Variants in GRK5 observed in about 807,000 individuals in gnomAD.
The protein encoded by GRK5 is G protein-coupled receptor kinase 5.
Under a neutral mutation model 78.4 loss-of-function variants are expected in GRK5, and 40 were observed. That is an observed-to-expected ratio of 0.51 (90% CI 0.40 to 0.66). GRK5 has a LOEUF of 0.66. Ranked by LOEUF, GRK5 falls within the 30% of genes least tolerant of loss-of-function variation. GRK5 has a pLI of 0.00. For synonymous variants in GRK5, 289 were observed against 296.8 expected (o/e 0.97, Z 0.27); for missense variants, 598 against 759.9 (o/e 0.79, Z 2.50).
At chr10:119,259,051 C>A (rs1336205665) in intron 1 of GRK5, among the ~76,000 whole-genome samples, 1 of 147,470 alleles carries the variant, frequency 6.8e-6, no homozygotes, top group Non-Finnish European at 1.5e-5. Context: ...CCATGACACT[C>A]CCTCTTTCTT....
chr10:119,375,821 T>A (rs943844538), intron 2 of GRK5, among the ~76,000 whole-genome samples: 1 of 152,164 alleles, frequency 6.6e-6, no homozygotes, highest in African/African-American at 2.4e-5. Context: ...GCCAGTTCAG[T>A]CCAGCTGCTC....
intron 2 of GRK5, among the ~76,000 whole-genome samples, chr10:119,377,145 T>C (rs1417281549): frequency 1.3e-5 from 2 of 152,190 alleles, no homozygotes; most frequent in South Asian, 2.1e-4. Context: ...GACCACACTT[T>C]GGAGAAAGAT....
intron 2 of GRK5, among the ~76,000 whole-genome samples, chr10:119,351,274 G>GTTAC (rs1851181371): frequency 6.6e-6 from 1 of 152,078 alleles, no homozygotes; most frequent in Admixed American, 6.5e-5. Context: ...CTGTAATGGT[G>GTTAC]GTAACTCTTT....
chr10:119,388,002 G>T (rs996967914), intron 3 of GRK5, among the ~76,000 whole-genome samples: 2 of 151,988 alleles, frequency 1.3e-5, no homozygotes, highest in South Asian at 2.1e-4. Flanking sequence ...CCAGGCTGGA[G>T]TGCGGTGGTA....
At chr10:119,447,247 C>G (rs1242460141) in intron 12 of GRK5, among the ~76,000 whole-genome samples, 1 of 152,168 alleles carries the variant, frequency 6.6e-6, no homozygotes, top group Non-Finnish European at 1.5e-5. Context: ...CTTCCTGCCT[C>G]GTGGTTCTGA....
Position 119,424,714 on chromosome 10 carries a change from CTGTT to C in GRK5, c.441-275_441-272del, listed in dbSNP as rs1193021049. ...TCATTTATTTCATGTTTGCTATTCA[CTGTT>C]TGTGTCCCACATACAATGCCAACCC... On this transcript the variant is annotated intron_variant, in intron 5 of 15. Coordinates refer to ENST00000392870, the MANE Select transcript of GRK5 (RefSeq NM_005308.3). 2.0e-5 allele frequency among the ~76,000 whole-genome samples: 3 copies of C among 152,232 alleles called. No homozygotes were observed. In the East Asian group the frequency reaches 5.8e-4, roughly 29 times the overall value.
chr10:119,230,120 G>A (rs1191998174), intron 1 of GRK5, among the ~76,000 whole-genome samples: 1 of 152,162 alleles, frequency 6.6e-6, no homozygotes, highest in Non-Finnish European at 1.5e-5. Flanking sequence ...GAGCAGGAAG[G>A]CTGCAGAAGA....
chr10:119,284,761 G>A (rs1437184096), intron 1 of GRK5, among the ~76,000 whole-genome samples: 1 of 152,254 alleles, frequency 6.6e-6, no homozygotes, highest in African/African-American at 2.4e-5. Flanking sequence ...GCCTGAGCCT[G>A]TGTACTGGGC....
chr10:119,301,698 C>A (rs1850184059), intron 1 of GRK5, among the ~76,000 whole-genome samples: 1 of 152,190 alleles, frequency 6.6e-6, no homozygotes, highest in South Asian at 2.1e-4. Context: ...TCACTTTGAC[C>A]ACGCCTCCTT....
intron 4 of GRK5, among the ~76,000 whole-genome samples, chr10:119,401,281 C>T (rs1005760449): frequency 5.3e-5 from 8 of 152,190 alleles, no homozygotes; most frequent in Non-Finnish European, 7.3e-5. Context: ...CCACGGAGGA[C>T]GCCCTACAAA....
At chr10:119,237,121 C>T (rs994216136) in intron 1 of GRK5, among the ~76,000 whole-genome samples, 3 of 148,260 alleles carry the variant, frequency 2.0e-5, no homozygotes, top group South Asian at 2.2e-4. Context: ...GGAATGCAGC[C>T]GCGCGATCTT....
chr10:119,301,811 C>T (rs1411059225), intron 1 of GRK5, among the ~76,000 whole-genome samples: 1 of 152,196 alleles, frequency 6.6e-6, no homozygotes, highest in Non-Finnish European at 1.5e-5. Context: ...TTTTCCTCTG[C>T]CAGGCCAATG....
At chr10:119,324,993 A>G (rs543756522) in intron 1 of GRK5, among the ~76,000 whole-genome samples, 1 of 152,144 alleles carries the variant, frequency 6.6e-6, no homozygotes, top group Non-Finnish European at 1.5e-5. Flanking sequence ...GGCTAGTTGG[A>G]GAGGAGGGAG....
chr10:119,321,967 C>A (rs1850592904), intron 1 of GRK5, among the ~76,000 whole-genome samples: 1 of 152,070 alleles, frequency 6.6e-6, no homozygotes, highest in African/African-American at 2.4e-5. Context: ...AGCATTTTTT[C>A]CACATCCCTA....
intron 1 of GRK5, among the ~76,000 whole-genome samples, chr10:119,293,806 A>G (rs1850027514): frequency 6.6e-6 from 1 of 152,110 alleles, no homozygotes; most frequent in African/African-American, 2.4e-5. Flanking sequence ...GTGGTACCCG[A>G]GTCTGGAGTA....
intron 2 of GRK5, among the ~76,000 whole-genome samples, chr10:119,331,245 A>G (rs1276937107): frequency 1.3e-5 from 2 of 152,166 alleles, no homozygotes; most frequent in African/African-American, 2.4e-5. Context: ...GCGTGTGGAA[A>G]TGGATTCTTC....
chr10:119,227,329 A>C (rs1848757345), intron 1 of GRK5, among the ~76,000 whole-genome samples: 1 of 152,120 alleles, frequency 6.6e-6, no homozygotes, highest in Non-Finnish European at 1.5e-5. Context: ...CACTTTGGGA[A>C]GCCGAGGTGG....
intron 1 of GRK5, among the ~76,000 whole-genome samples, chr10:119,241,040 C>T (rs551215915): frequency 1.3e-5 from 2 of 152,326 alleles, no homozygotes; most frequent in Non-Finnish European, 2.9e-5. Flanking sequence ...GCCACTTGTT[C>T]TCTCCTTAAC....
chr10:119,213,693 G>C (rs1413371375), intron 1 of GRK5, among the ~76,000 whole-genome samples: 3 of 152,140 alleles, frequency 2.0e-5, no homozygotes, highest in Non-Finnish European at 4.4e-5. Context: ...TCCAAAAACT[G>C]GAAGAAGCAT....
Sources: allele counts gnomAD v4.1 joint callset (sites outside exome capture counted in the v4.1 genomes callset), GRCh38; gene constraint gnomAD v4.1.1; transcripts MANE v1.5; gene names NCBI Gene and HGNC (gene_info 2026-07-23, HGNC 2026-07-21).